Variants in PARD3B observed in about 807,000 individuals in gnomAD.
PARD3B encodes the protein par-3 family cell polarity regulator beta, also known as partitioning defective 3 homolog B.
A neutral mutation model predicts 130.2 loss-of-function variants in PARD3B; 103 were observed. That is an observed-to-expected ratio of 0.79 (90% CI 0.67 to 0.93). PARD3B has a LOEUF of 0.93. PARD3B is among the 40% of genes least tolerant of loss of function. The probability of loss-of-function intolerance (pLI) is 0.00; values close to 1 mark genes in which losing one functional copy is unlikely to be tolerated. For missense variants in PARD3B, 1,609 were observed against 1,499.2 expected (o/e 1.07, Z -1.21); for synonymous variants, 583 against 553.2 (o/e 1.05, Z -0.76).
intron 20 of PARD3B, among the ~76,000 whole-genome samples, chr2:205,499,316 T>TA (rs35087383): frequency 0.046 from 6,749 of 145,306 alleles, 283 homozygotes; most frequent in African/African-American, 0.11. Context: ...TCCCCCACCT[T>TA]AAAAAAAAAA....
intron 6 of PARD3B, among the ~76,000 whole-genome samples, chr2:205,115,799 T>G (rs1352979580): frequency 6.6e-6 from 1 of 152,202 alleles, no homozygotes; most frequent in Non-Finnish European, 1.5e-5. Flanking sequence ...CACAGGGGCT[T>G]CGTTAAGGTC....
At chr2:205,290,174 G>C (rs536000404) in intron 16 of PARD3B, among the ~76,000 whole-genome samples, 18 of 152,110 alleles carry the variant, frequency 1.2e-4, no homozygotes, top group Admixed American at 2.0e-4. Context: ...GTGTATGTAC[G>C]AACAATTTAT....
In PARD3B at chr2:204,622,186, C is replaced by T. The variant is rs555389460; in HGVS notation, c.121-63995C>T. On this transcript the variant is annotated intron_variant, in intron 1 of 22. Transcript: ENST00000406610. ...CAACTTGAGCATGCCTCTCATTGTG[C>T]TGTCTTTCCAGGATGATGTGCGTGA... Among the ~76,000 whole-genome samples, 5 of 152,316 alleles carry T rather than the reference C, an allele frequency of 3.3e-5. No individual in the cohort carries two copies. In the East Asian group the frequency reaches 9.6e-4, roughly 29 times the overall value.
intron 4 of PARD3B, among the ~76,000 whole-genome samples, chr2:205,054,790 A>G (rs1410316190): frequency 6.6e-6 from 1 of 151,940 alleles, no homozygotes; most frequent in Non-Finnish European, 1.5e-5. Context: ...GAAACTTACA[A>G]CCTCGTTACA....
At chr2:205,603,337 G>A (rs530345833) in intron 22 of PARD3B, among the ~76,000 whole-genome samples, 1 of 152,322 alleles carries the variant, frequency 6.6e-6, no homozygotes, top group South Asian at 2.1e-4. Context: ...TTGTTTTGGG[G>A]TGGAGAGTTC....
rs2048439662 is a variant in PARD3B, at chr2:205,461,180, T to C, written c.3044+20508T>C. On this transcript the variant is annotated intron_variant, in intron 20 of 22. Coordinates refer to ENST00000406610, the MANE Select transcript of PARD3B (RefSeq NM_001302769.2). The surrounding 1 kb of genome is among the most constrained non-coding windows in gnomAD (Gnocchi z 4.3). Reference sequence around the variant, plus strand: ...TGTGGAGGATCAAGAAAGAAGTCACTGAGAAAGCGACATTTAAGTCGAGAC... The same window carrying C: ...TGTGGAGGATCAAGAAAGAAGTCACCGAGAAAGCGACATTTAAGTCGAGAC... 6.6e-6 allele frequency among the ~76,000 whole-genome samples: 1 copy of C among 152,130 alleles called. No homozygotes were observed. The highest frequency in any genetic ancestry group is 1.5e-5 in the Non-Finnish European group (1 of 68,024).
At position 205,403,325 on chromosome 2, in the gene PARD3B, T is replaced by C. The variant is rs116823255; in HGVS notation, c.2741+2202T>C. On this transcript the variant is annotated intron_variant, in intron 19 of 22. Coordinates refer to ENST00000406610, the MANE Select transcript of PARD3B (RefSeq NM_001302769.2). ...GTACTGGAGCCAGCTTGTACCAGCT[T>C]ATAGGAACCAATTGTTAAACTTTCA... Among the ~76,000 whole-genome samples, 565 of 152,292 alleles carry C rather than the reference T, an allele frequency of 3.7e-3. 10 individuals carry two copies. Among genetic ancestry groups the C allele is most frequent in the African/African-American group, 0.013 (530 of 41,556 alleles).
intron 2 of PARD3B, among the ~76,000 whole-genome samples, chr2:204,900,130 A>T (rs2046803813): frequency 6.6e-6 from 1 of 151,782 alleles, no homozygotes; most frequent in South Asian, 2.1e-4. Flanking sequence ...TAACCTTCTT[A>T]TGCTTGAATA....
chr2:204,971,860 A>G (rs1252659545), intron 3 of PARD3B, among the ~76,000 whole-genome samples: 3 of 143,808 alleles, frequency 2.1e-5, no homozygotes, highest in African/African-American at 7.9e-5. Context: ...TTTTGTAGCA[A>G]TGGGTCTTGC....
At chr2:205,546,344 G>C (rs1478910849) in intron 21 of PARD3B, among the ~76,000 whole-genome samples, 1 of 152,082 alleles carries the variant, frequency 6.6e-6, no homozygotes, top group African/African-American at 2.4e-5. Flanking sequence ...TAAAAGGCTA[G>C]ATTTCTGTTA....
chr2:204,876,460 G>A (rs2045847957), intron 2 of PARD3B, among the ~76,000 whole-genome samples: 1 of 152,192 alleles, frequency 6.6e-6, no homozygotes, highest in South Asian at 2.1e-4. Flanking sequence ...TTGAGTTGAA[G>A]GATTTTGATT....
intron 22 of PARD3B, among the ~76,000 whole-genome samples, chr2:205,574,457 G>A (rs1397614303): frequency 2.6e-5 from 4 of 152,136 alleles, no homozygotes; most frequent in African/African-American, 9.7e-5. Flanking sequence ...TTATCCACGG[G>A]CTGCAGCTGG....
At chr2:204,985,827 G>A (rs1004539234) in intron 3 of PARD3B, among the ~76,000 whole-genome samples, 4 of 152,140 alleles carry the variant, frequency 2.6e-5, no homozygotes, top group African/African-American at 4.8e-5. Flanking sequence ...TTAGCTAGGC[G>A]TGGTGGCTCA....
intron 2 of PARD3B, among the ~76,000 whole-genome samples, chr2:204,932,345 T>C (rs1476516918): frequency 1.3e-5 from 2 of 152,078 alleles, no homozygotes; most frequent in African/African-American, 4.8e-5. Flanking sequence ...TCTTATTTCA[T>C]TTTTTTCTTT....
At chr2:205,027,427 G>T (rs1042428573) in intron 3 of PARD3B, among the ~76,000 whole-genome samples, 1 of 151,872 alleles carries the variant, frequency 6.6e-6, no homozygotes, top group Admixed American at 6.6e-5. Context: ...TTTTGATATT[G>T]AGCTGCTTGA....
chr2:205,027,263 A>G (rs1042523789), intron 3 of PARD3B, among the ~76,000 whole-genome samples: 31 of 152,058 alleles, frequency 2.0e-4, no homozygotes, highest in African/African-American at 7.5e-4. Flanking sequence ...CCTAACAGGT[A>G]TGAGGTGATA....
chr2:204,565,381 T>C (rs973229251), intron 1 of PARD3B, among the ~76,000 whole-genome samples: 1 of 152,228 alleles, frequency 6.6e-6, no homozygotes, highest in Admixed American at 6.5e-5. Flanking sequence ...ATATTCATAC[T>C]CCATTACAAT....
chr2:205,505,163 T>C (rs928946040), intron 21 of PARD3B, among the ~76,000 whole-genome samples: 7 of 151,506 alleles, frequency 4.6e-5, no homozygotes, highest in African/African-American at 1.7e-4. Context: ...CACCGCATGT[T>C]CTCACCCGTA....
At chr2:205,513,595 T>C (rs927734912) in intron 21 of PARD3B, among the ~76,000 whole-genome samples, 1 of 152,120 alleles carries the variant, frequency 6.6e-6, no homozygotes, top group African/African-American at 2.4e-5. Flanking sequence ...AGAATAGTCA[T>C]TTTCACGTAT....
Sources: allele counts gnomAD v4.1 joint callset (sites outside exome capture counted in the v4.1 genomes callset), GRCh38; gene constraint gnomAD v4.1.1; non-coding constraint Gnocchi (gnomAD v3.1); transcripts MANE v1.5; gene names NCBI Gene and HGNC (gene_info 2026-07-23, HGNC 2026-07-21).